Variants in ABTB3 observed in about 807,000 individuals in gnomAD.
ABTB3 encodes the protein ankyrin repeat and BTB domain containing 3.
the ABTB3 span, among the ~76,000 whole-genome samples, chr12:107,361,171 A>G: frequency 6.6e-6 from 1 of 152,106 alleles, no homozygotes; most frequent in Non-Finnish European, 1.5e-5. Flanking sequence ...TAGAGCATTC[A>G]CATAAGTGAT....
the ABTB3 span, among the ~76,000 whole-genome samples, chr12:107,519,295 TTTTTCTTTTTTCTTTTC>T: frequency 6.6e-6 from 1 of 151,538 alleles, no homozygotes; most frequent in Non-Finnish European, 1.5e-5. Flanking sequence ...ACAGCACATG[TTTTTCTTTTTTCTTTTC>T]TTTTCTTTTT....
chr12:107,632,671 T>C, the ABTB3 span, among the ~76,000 whole-genome samples: 1 of 152,212 alleles, frequency 6.6e-6, no homozygotes, highest in Non-Finnish European at 1.5e-5. Flanking sequence ...CTGGGTGCAG[T>C]GTGACCCAGC....
chr12:107,334,034 G>T, the ABTB3 span, among the ~76,000 whole-genome samples: 1 of 152,196 alleles, frequency 6.6e-6, no homozygotes, highest in Non-Finnish European at 1.5e-5. Flanking sequence ...GGTGGGAAGA[G>T]CTAAGAACCC....
chr12:107,372,340 A>G, the ABTB3 span, among the ~76,000 whole-genome samples: 7 of 152,196 alleles, frequency 4.6e-5, no homozygotes, highest in Admixed American at 3.3e-4. Context: ...AGTACATTTA[A>G]GCCCATTTCC....
At chr12:107,632,894 G>A in the ABTB3 span, among the ~76,000 whole-genome samples, 1 of 152,206 alleles carries the variant, frequency 6.6e-6, no homozygotes, top group Non-Finnish European at 1.5e-5. Context: ...GTCCCCTCAC[G>A]AGCTTGCCAT....
chr12:107,368,559 A>G, the ABTB3 span, among the ~76,000 whole-genome samples: 1 of 152,170 alleles, frequency 6.6e-6, no homozygotes, highest in Non-Finnish European at 1.5e-5. Flanking sequence ...TATGGGAACA[A>G]TCTCCTTTCA....
At chr12:107,563,525 A>G in the ABTB3 span, among the ~76,000 whole-genome samples, 1 of 152,210 alleles carries the variant, frequency 6.6e-6, no homozygotes, top group Non-Finnish European at 1.5e-5. Context: ...TACAAAGATG[A>G]ACAATTCATG....
chr12:107,416,237 G>A, the ABTB3 span, among the ~76,000 whole-genome samples: 16 of 152,148 alleles, frequency 1.1e-4, no homozygotes, highest in Non-Finnish European at 2.1e-4. Flanking sequence ...CATTCCTTGT[G>A]CAATTTTGAA....
At chr12:107,526,236 C>G in the ABTB3 span, among the ~76,000 whole-genome samples, 1 of 152,242 alleles carries the variant, frequency 6.6e-6, no homozygotes, top group Admixed American at 6.5e-5. Context: ...TATGCCGGTT[C>G]TAAAATATTT....
chr12:107,641,155 T>C, the ABTB3 span, among the ~76,000 whole-genome samples: 701 of 152,254 alleles, frequency 4.6e-3, 24 homozygotes, highest in East Asian at 0.081. Flanking sequence ...CTCCCTGCAT[T>C]TCTAAAAGCA....
chr12:107,508,434 A>ATTTTTTTTTTT, the ABTB3 span, among the ~76,000 whole-genome samples: 14 of 58,736 alleles, frequency 2.4e-4, no homozygotes, highest in Non-Finnish European at 3.8e-4. Context: ...CTCAAAGATC[A>ATTTTTTTTTTT]TTTCTTTTTT....
the ABTB3 span, among the ~76,000 whole-genome samples, chr12:107,596,390 A>T: frequency 6.6e-6 from 1 of 152,190 alleles, no homozygotes; most frequent in Admixed American, 6.5e-5. Flanking sequence ...AGGTGGGTGG[A>T]TCACTTGAGG....
the ABTB3 span, among the ~76,000 whole-genome samples, chr12:107,329,954 T>C: frequency 1.3e-5 from 2 of 152,322 alleles, no homozygotes; most frequent in African/African-American, 4.8e-5. Flanking sequence ...TACAGGCTAT[T>C]AGAGTCTTTA....
chr12:107,619,666 C>T, the ABTB3 span, among the ~76,000 whole-genome samples: 3 of 152,244 alleles, frequency 2.0e-5, no homozygotes, highest in South Asian at 2.1e-4. Flanking sequence ...AAGTAGCGTG[C>T]GTAATAATTC....
chr12:107,321,662 T>C, the ABTB3 span, among the ~76,000 whole-genome samples: 45 of 152,050 alleles, frequency 3.0e-4, no homozygotes, highest in Non-Finnish European at 5.9e-5. Flanking sequence ...TGGAAACATC[T>C]GGGGAGAAGG....
the ABTB3 span, among the ~76,000 whole-genome samples, chr12:107,577,012 A>C: frequency 6.6e-6 from 1 of 152,226 alleles, no homozygotes; most frequent in Non-Finnish European, 1.5e-5. Flanking sequence ...GAATCGAAGA[A>C]TATTAGCATT....
the ABTB3 span, among the ~76,000 whole-genome samples, chr12:107,595,662 T>A: frequency 6.6e-6 from 1 of 152,120 alleles, no homozygotes; most frequent in East Asian, 1.9e-4. Context: ...GCGGGAAGAA[T>A]AGACTCCAGC....
At chr12:107,509,887 T>C in the ABTB3 span, among the ~76,000 whole-genome samples, 1 of 152,262 alleles carries the variant, frequency 6.6e-6, no homozygotes, top group East Asian at 1.9e-4. Context: ...GTCTGTGTTA[T>C]TGAATTCCTA....
the ABTB3 span, among the ~76,000 whole-genome samples, chr12:107,464,559 C>G: frequency 6.2e-4 from 95 of 152,232 alleles, no homozygotes; most frequent in Middle Eastern, 3.4e-3. Flanking sequence ...AATTCTTCTG[C>G]CTTGGCCTCC....
Sources: allele counts gnomAD v4.1 joint callset (sites outside exome capture counted in the v4.1 genomes callset), GRCh38; gene constraint gnomAD v4.1.1; transcripts MANE v1.5; gene names NCBI Gene and HGNC (gene_info 2026-07-23, HGNC 2026-07-21).